The following GRIP1 variants were observed in gnomAD, a reference collection of about 807,000 sequenced individuals.
GRIP1 encodes the protein glutamate receptor interacting protein 1.
A neutral mutation model predicts 129.9 loss-of-function variants in GRIP1; 45 were observed. The observed-to-expected ratio is 0.35, with a 90% CI of 0.27 to 0.44. The LOEUF (loss-of-function observed/expected upper bound fraction) is 0.44. GRIP1 is among the 20% of genes least tolerant of loss of function. The probability of loss-of-function intolerance (pLI) is 1.00; values close to 1 mark genes in which losing one functional copy is unlikely to be tolerated. For missense variants in GRIP1, 1,196 were observed against 1,396.8 expected (o/e 0.86, Z 2.29); for synonymous variants, 530 against 520.8 (o/e 1.02, Z -0.24).
rs192672055 is a variant in GRIP1 at position 66,418,318 on chromosome 12, C to T, written c.1838+2402G>A. ...ATGGATTAACAACTTAAATCTAAGA[C>T]TTCAAACTATGACACTACCACAAGA... On this transcript the variant is annotated intron_variant, in intron 15 of 24. Transcript: ENST00000359742. 5.9e-5 allele frequency among the ~76,000 whole-genome samples: 9 copies of T among 152,274 alleles called. No individual in the cohort carries two copies. The East Asian group carries it at 1.3e-3, about 23-fold the overall frequency.
chr12:66,773,506 A>G (rs753630330), intron 1 of GRIP1, among the ~76,000 whole-genome samples: 1 of 152,118 alleles, frequency 6.6e-6, no homozygotes, highest in Non-Finnish European at 1.5e-5. Context: ...GAGTTGAACA[A>G]TGAGAACACA....
At chr12:66,389,903 G>T (rs115010756) in intron 19 of GRIP1, among the ~76,000 whole-genome samples, 2,801 of 152,314 alleles carry the variant, frequency 0.018, 94 homozygotes, top group African/African-American at 0.064. Flanking sequence ...CACAGTTAAA[G>T]GAACTGGGGC....
At chr12:67,010,953 A>T (rs139451813) in intron 1 of GRIP1, among the ~76,000 whole-genome samples, 4 of 152,136 alleles carry the variant, frequency 2.6e-5, no homozygotes, top group African/African-American at 9.7e-5. Flanking sequence ...ACTGAGGCCT[A>T]GTACCTTCCT....
intron 2 of GRIP1, among the ~76,000 whole-genome samples, chr12:66,594,311 T>C (rs760504938): frequency 1.8e-4 from 28 of 151,976 alleles, no homozygotes; most frequent in Admixed American, 3.3e-4. Context: ...GGAAGTAGGA[T>C]TGGGAGTGAG....
upstream of GRIP1, among the ~76,000 whole-genome samples, chr12:66,683,306 TCAA>T (rs748929667): frequency 6.6e-6 from 1 of 152,070 alleles, no homozygotes; most frequent in Non-Finnish European, 1.5e-5. Flanking sequence ...GCTACTTAGT[TCAA>T]CTAGTGTGTC....
intron 1 of GRIP1, among the ~76,000 whole-genome samples, chr12:67,055,131 G>A (rs949954291): frequency 3.3e-5 from 5 of 152,182 alleles, no homozygotes; most frequent in African/African-American, 1.2e-4. Flanking sequence ...TTGCTATTAA[G>A]GGAAGCAGAA....
chr12:66,355,321 GAGC>G (rs1565659269), intron 23 of GRIP1, among the ~76,000 whole-genome samples: 2 of 152,192 alleles, frequency 1.3e-5, no homozygotes. Flanking sequence ...AAAAAAAGTA[GAGC>G]AGTGAGCAAA....
In GRIP1 at chr12:66,420,700, A is replaced by C; in HGVS notation, c.1838+20T>G. ...ATTAAGAGAGGCCTTAAAATGAATC[A>C]GAAAATCCATTTTCCTTACCTGTGT... On this transcript the variant is annotated intron_variant, in intron 15 of 24. Transcript: ENST00000359742. The C allele has an allele frequency of 7.4e-7, 1 of 1,350,548 alleles. No homozygotes were observed. The highest frequency in any genetic ancestry group is 1.1e-6 in the Non-Finnish European group (1 of 938,248). The allele number at this position is 1,350,548 out of a possible 1,614,324, so 83.7% of individuals were successfully genotyped here.
At chr12:66,712,660 G>C (rs1377758192) in intron 1 of GRIP1, among the ~76,000 whole-genome samples, 2 of 152,076 alleles carry the variant, frequency 1.3e-5, no homozygotes, top group East Asian at 3.9e-4. Context: ...ATAGAATTGA[G>C]GTCAAATTAT....
chr12:66,834,926 TA>T lies in GRIP1; in HGVS notation c.58+234123del, dbSNP rs71088212. Among the ~76,000 whole-genome samples the T allele has an allele frequency of 7.2e-3, 668 of 92,524 alleles. 5 individuals carry two copies. The highest frequency in any genetic ancestry group is 0.024 in the African/African-American group (505 of 21,008). The allele number at this position is 92,524 out of a possible 152,430, so 60.7% of individuals were successfully genotyped here. On this transcript the variant is annotated intron_variant, in intron 1 of 1. Transcript: ENST00000643019. Reference sequence around the variant, plus strand: ...CACAGCATGACAAGACTCGTCTCTTTAAAAAAAAAAGGGGGGGGGGCAGGAG... The same window carrying T: ...CACAGCATGACAAGACTCGTCTCTTTAAAAAAAAAGGGGGGGGGGCAGGAG...
intron 1 of GRIP1, among the ~76,000 whole-genome samples, chr12:66,924,738 C>T (rs1029055016): frequency 2.0e-5 from 3 of 152,112 alleles, no homozygotes; most frequent in South Asian, 2.1e-4. Context: ...GAGGCCGAGG[C>T]GGGTGGATCA....
At chr12:66,967,453 T>C (rs572762037) in intron 1 of GRIP1, among the ~76,000 whole-genome samples, 1 of 152,322 alleles carries the variant, frequency 6.6e-6, no homozygotes, top group South Asian at 2.1e-4. Context: ...TTTAAGTATG[T>C]TATTCACAGT....
intron 1 of GRIP1, among the ~76,000 whole-genome samples, chr12:66,887,628 A>C (rs1320698787): frequency 6.6e-6 from 1 of 152,228 alleles, no homozygotes; most frequent in East Asian, 1.9e-4. Context: ...AACATTCTAC[A>C]CATGCTTTGA....
intron 1 of GRIP1, among the ~76,000 whole-genome samples, chr12:66,828,604 G>A (rs2039459255): frequency 1.3e-5 from 2 of 152,034 alleles, no homozygotes; most frequent in Non-Finnish European, 2.9e-5. Flanking sequence ...AATCAAGTAC[G>A]ATTTACCCTC....
intron 1 of GRIP1, among the ~76,000 whole-genome samples, chr12:66,628,446 C>G (rs1307206355): frequency 1.2e-4 from 19 of 152,202 alleles, no homozygotes; most frequent in Non-Finnish European, 4.4e-5. Context: ...GAAATCTAAA[C>G]TAGCTTGTTC....
chr12:66,450,663 A>G (rs1168830823), intron 11 of GRIP1, among the ~76,000 whole-genome samples: 1 of 152,056 alleles, frequency 6.6e-6, no homozygotes, highest in East Asian at 1.9e-4. Flanking sequence ...ATAATTTATG[A>G]TTTTATAATT....
chr12:66,581,860 A>T (rs2063397923), intron 2 of GRIP1, among the ~76,000 whole-genome samples: 1 of 152,162 alleles, frequency 6.6e-6, no homozygotes, highest in Non-Finnish European at 1.5e-5. Flanking sequence ...TTCTGAAAGT[A>T]TTCCAATCAA....
chr12:66,505,610 G>A (rs923249640), intron 7 of GRIP1, among the ~76,000 whole-genome samples: 10 of 152,182 alleles, frequency 6.6e-5, no homozygotes, highest in African/African-American at 2.4e-4. Flanking sequence ...AGGGGTTGGT[G>A]TGGGGAACCC....
chr12:66,482,374 C>G (rs2059830493), intron 7 of GRIP1, among the ~76,000 whole-genome samples: 2 of 152,160 alleles, frequency 1.3e-5, no homozygotes, highest in Admixed American at 1.3e-4. Context: ...GAATGTTTCT[C>G]ATTTGACTTT....
Sources: gnomAD v4.1 joint callset for allele counts (sites outside exome capture counted in the v4.1 genomes callset) on GRCh38, gnomAD v4.1.1 for gene constraint, MANE v1.5 for transcripts, NCBI Gene and HGNC (gene_info 2026-07-23, HGNC 2026-07-21) for gene names.